Variants in DCUN1D3 observed in about 807,000 individuals in gnomAD.
The protein encoded by DCUN1D3 is DCN1-like protein 3.
A neutral mutation model predicts 24.8 loss-of-function variants in DCUN1D3; 6 were observed. The observed-to-expected ratio is 0.24, with a 90% CI of 0.13 to 0.48. The LOEUF is 0.48. Among genes scored for constraint, DCUN1D3 ranks in the 20% least tolerant of loss-of-function variants. DCUN1D3 has a pLI of 0.99. For synonymous variants in DCUN1D3, 120 were observed against 144.9 expected (o/e 0.83, Z 1.24); for missense variants, 258 against 379.4 (o/e 0.68, Z 2.66).
intron 1 of DCUN1D3, among the ~76,000 whole-genome samples, chr16:20,892,053 T>C (rs1048894301): frequency 6.6e-6 from 1 of 152,132 alleles, no homozygotes. Context: ...CAAGCTCATC[T>C]CCGACAACTG....
chr16:20,898,940 T>G (rs1206717834), intron 1 of DCUN1D3, among the ~76,000 whole-genome samples: 3 of 152,220 alleles, frequency 2.0e-5, no homozygotes, highest in African/African-American at 7.2e-5. Flanking sequence ...TTCTTTCCAT[T>G]CTTTGCTTCA....
At position 20,861,740 on chromosome 16, in the gene DCUN1D3, G is replaced by A. The variant is rs534122181; in HGVS notation, c.431+368C>T. Among the ~76,000 whole-genome samples the A allele has an allele frequency of 4.7e-4, 68 of 144,430 alleles. 1 individual carries two copies. Among genetic ancestry groups the A allele is most frequent in the South Asian group, 2.0e-3 (9 of 4,550 alleles). The allele number at this position is 144,430 out of a possible 152,430, so 94.8% of individuals were successfully genotyped here. ...TTTGACCTATGAATTAGGCAAAGGC[G>A]TTATTCTGCAAAAAAAAAAAGAAAA... On this transcript the variant is annotated intron_variant, in intron 2 of 2. Coordinates refer to ENST00000324344, the MANE Select transcript of DCUN1D3 (RefSeq NM_173475.4).
intron 1 of DCUN1D3, among the ~76,000 whole-genome samples, chr16:20,888,339 C>G (rs1431385264): frequency 6.6e-6 from 1 of 152,212 alleles, no homozygotes; most frequent in Non-Finnish European, 1.5e-5. Flanking sequence ...CATGAGGAAG[C>G]TGAGGCTTAG....
At chr16:20,883,206 AGT>A (rs1052037567) in intron 1 of DCUN1D3, among the ~76,000 whole-genome samples, 1 of 152,148 alleles carries the variant, frequency 6.6e-6, no homozygotes, top group African/African-American at 2.4e-5. Flanking sequence ...GTACTTTAAA[AGT>A]GTGTTTTTGA....
Position 20,862,296 on chromosome 16 carries a change from G to A in DCUN1D3, c.243C>T (p.Ser81=), listed in dbSNP as rs1400896276. 1 of 1,614,228 alleles carries A rather than the reference G, an allele frequency of 6.2e-7. No individual in the cohort carries two copies. The highest frequency in any genetic ancestry group is 1.1e-5 in the South Asian group (1 of 91,082). ...TTTGCAAGGAAGACTCCTCGGCATT[G>A]GACTTGGACTCCCTCCCAGCATCTC... is the stretch of plus-strand genomic sequence containing the variant. ...SSGDAGRESK[S]NAEESSLQRL... The change falls in exon 2 of 3, where the codon TCC becomes TCT. Residue 81 remains serine, a synonymous_variant. Coordinates refer to ENST00000324344, the MANE Select transcript of DCUN1D3 (RefSeq NM_173475.4).
intron 1 of DCUN1D3, among the ~76,000 whole-genome samples, chr16:20,881,807 C>CT (rs2081845142): frequency 6.6e-6 from 1 of 152,030 alleles, no homozygotes; most frequent in Admixed American, 6.5e-5. Context: ...AATGTGTTTA[C>CT]TTTTTTATTT....
chr16:20,889,356 C>T (rs570314461), intron 1 of DCUN1D3, among the ~76,000 whole-genome samples: 129 of 151,870 alleles, frequency 8.5e-4, no homozygotes, highest in Non-Finnish European at 1.7e-3. Context: ...CGTGCCACTG[C>T]ACTCCAGGCT....
chr16:20,878,287 A>T (rs1249072907), intron 1 of DCUN1D3, among the ~76,000 whole-genome samples: 1 of 152,218 alleles, frequency 6.6e-6, no homozygotes, highest in African/African-American at 2.4e-5. Context: ...TCCTCACTTC[A>T]CAAGCTAATT....
chr16:20,882,240 T>C (rs1041426199), intron 1 of DCUN1D3, among the ~76,000 whole-genome samples: 1 of 148,580 alleles, frequency 6.7e-6, no homozygotes, highest in Admixed American at 6.9e-5. Context: ...CACCTTCATT[T>C]ATAACATTGC....
intron 1 of DCUN1D3, among the ~76,000 whole-genome samples, chr16:20,866,407 T>C (rs1393813933): frequency 6.6e-6 from 1 of 152,076 alleles, no homozygotes; most frequent in East Asian, 1.9e-4. Context: ...TAAGAGGATT[T>C]CCTGGCCTCC....
At chr16:20,875,659 T>A (rs2081811139) in intron 1 of DCUN1D3, among the ~76,000 whole-genome samples, 1 of 152,138 alleles carries the variant, frequency 6.6e-6, no homozygotes, top group Non-Finnish European at 1.5e-5. Context: ...ATATAAGACA[T>A]GAAACTATGA....
At chr16:20,870,615 G>C (rs189618327) in intron 1 of DCUN1D3, among the ~76,000 whole-genome samples, 1 of 152,340 alleles carries the variant, frequency 6.6e-6, no homozygotes, top group East Asian at 1.9e-4. Flanking sequence ...GTCAGTGTCA[G>C]CAAAGCACTT....
rs558877864 is a variant in DCUN1D3, at chr16:20,856,979, G to C, written c.*2907C>G. On this transcript the variant is annotated 3_prime_UTR_variant, in exon 3 of 3. Coordinates refer to ENST00000324344, the MANE Select transcript of DCUN1D3 (RefSeq NM_173475.4). ...AAGGAGTGTACTGGCTTATCTGAGG[G>C]GCATGCATTCAGCCTCTTACACAGA... 1 of 152,244 alleles carries C rather than the reference G, an allele frequency of 6.6e-6. No homozygotes were observed. Among genetic ancestry groups the C allele is most frequent in the South Asian group, 2.1e-4 (1 of 4,820 alleles). The allele number at this position is 152,244 out of a possible 1,614,324, so 9.4% of individuals were successfully genotyped here.
intron 1 of DCUN1D3, 149 bp downstream of exon 1, chr16:20,900,055 C>G (rs570854553): frequency 6.6e-6 from 1 of 152,292 alleles, no homozygotes; most frequent in Non-Finnish European, 1.5e-5. Flanking sequence ...CCCTCACAGC[C>G]TCTTCTTTCA....
At chr16:20,872,847 G>A (rs2081795862) in intron 1 of DCUN1D3, among the ~76,000 whole-genome samples, 1 of 152,264 alleles carries the variant, frequency 6.6e-6, no homozygotes, top group South Asian at 2.1e-4. Flanking sequence ...GCTAGGCGCA[G>A]TGGCTCACGC....
At position 20,860,673 on chromosome 16, in the gene DCUN1D3, T is replaced by G. The variant is rs2081727723; in HGVS notation, c.432-304A>C. ...TTCCCAAAGCTAAACTCAAGTCTCCTGCTCCCTGCCCTGTTTCCCGCTCTG... is the reference window on the plus strand; with the variant it reads ...TTCCCAAAGCTAAACTCAAGTCTCCGGCTCCCTGCCCTGTTTCCCGCTCTG... On this transcript the variant is annotated intron_variant, in intron 2 of 2. Coordinates refer to ENST00000324344, the MANE Select transcript of DCUN1D3 (RefSeq NM_173475.4). The surrounding 1 kb of genome is among the most constrained non-coding windows in gnomAD (Gnocchi z 4.3). 6.6e-6 allele frequency among the ~76,000 whole-genome samples: 1 copy of G among 152,234 alleles called. No homozygotes were observed. Among genetic ancestry groups the G allele is most frequent in the East Asian group, 1.9e-4 (1 of 5,196 alleles).
chr16:20,862,180 A>T lies in DCUN1D3; in HGVS notation c.359T>A (p.Val120Asp). The change falls in exon 2 of 3, where the codon GTT becomes GAT. Residue 120 changes from valine to aspartate, a missense_variant. Transcript: ENST00000324344. ...GMERFCNDLC[V>D]DPTEFRVLLL... ...CAGCACTCGAAATTCTGTGGGGTCA[A>T]CACACAGGTCATTGCAAAAGCGCTC... is the stretch of plus-strand genomic sequence containing the variant. 6.2e-7 allele frequency: 1 copy of T among 1,614,224 alleles called. No individual in the cohort carries two copies. Among genetic ancestry groups the T allele is most frequent in the Non-Finnish European group, 8.5e-7 (1 of 1,180,046 alleles).
Position 20,859,739 on chromosome 16 carries a change from G to T in DCUN1D3, c.*147C>A. The T allele has an allele frequency of 9.0e-7, 1 of 1,109,930 alleles. No homozygotes were observed. The highest frequency in any genetic ancestry group is 1.2e-6 in the Non-Finnish European group (1 of 810,082). 68.8% of individuals were successfully genotyped at this position (1,109,930 alleles called of 1,614,324 possible). A position where few individuals can be genotyped will look rare whatever the true frequency, so the allele number is the denominator to read the frequency against. The stretch of plus-strand genomic sequence containing the variant: ...AAGAAAGTGCCTAAAACATGATACA[G>T]CATTTTAGAGCCCTTTCAGATACAA... On this transcript the variant is annotated 3_prime_UTR_variant, in exon 3 of 3. Transcript: ENST00000324344.
At chr16:20,878,142 G>A (rs564761336) in intron 1 of DCUN1D3, among the ~76,000 whole-genome samples, 3 of 152,122 alleles carry the variant, frequency 2.0e-5, no homozygotes, top group East Asian at 1.9e-4. Context: ...CCCCCCATTC[G>A]AAGCACCCAC....
Sources: gnomAD v4.1 joint callset for allele counts (sites outside exome capture counted in the v4.1 genomes callset) on GRCh38, gnomAD v4.1.1 for gene constraint, Gnocchi (gnomAD v3.1) non-coding constraint, MANE v1.5 for transcripts, NCBI Gene and HGNC (gene_info 2026-07-23, HGNC 2026-07-21) for gene names.